The following ARMC9 variants were observed in gnomAD, a reference collection of about 807,000 sequenced individuals.
ARMC9 encodes the protein lisH domain-containing protein ARMC9.
ARMC9 carries 94 observed loss-of-function variants against 107.0 expected under a neutral mutation model. The ratio of observed to expected loss-of-function variants is 0.88; its 90% CI spans 0.74 to 1.04. The LOEUF is 1.04. ARMC9 is among the 50% of genes least tolerant of loss of function. The pLI is 0.00. For synonymous variants in ARMC9, 380 were observed against 396.9 expected (o/e 0.96, Z 0.51); for missense variants, 942 against 1,030.1 (o/e 0.91, Z 1.17).
rs554791158 is a variant in ARMC9 at position 231,301,984 on chromosome 2, A to G, written c.1773+5731A>G. 3.3e-5 allele frequency among the ~76,000 whole-genome samples: 5 copies of G among 152,286 alleles called. No homozygotes were observed. In the South Asian group the frequency reaches 1.0e-3, roughly 32 times the overall value. On this transcript the variant is annotated intron_variant, in intron 19 of 24. Coordinates refer to ENST00000611582, the MANE Select transcript of ARMC9 (RefSeq NM_001352754.2). ...GAGCAAGACTCCATCTCAAAAAAAAAAAGTTAAATATATTCGCTTTTATTT... is the reference window on the plus strand; with the variant it reads ...GAGCAAGACTCCATCTCAAAAAAAAGAAGTTAAATATATTCGCTTTTATTT...
At chr2:231,370,759 A>T (rs1052319836) in intron 24 of ARMC9, 2 of 218,206 alleles carry the variant, frequency 9.2e-6, no homozygotes, top group African/African-American at 4.7e-5. Context: ...GCCTCTGCCA[A>T]TTGATAGCCC....
At chr2:231,364,864 C>T (rs749424620) in intron 23 of ARMC9, among the ~76,000 whole-genome samples, 25 of 152,094 alleles carry the variant, frequency 1.6e-4, no homozygotes, top group Non-Finnish European at 1.9e-4. Context: ...CTTGGCCTGG[C>T]AGAGCCCACC....
intron 19 of ARMC9, among the ~76,000 whole-genome samples, chr2:231,311,092 C>T (rs1231468564): frequency 1.3e-5 from 2 of 152,150 alleles, no homozygotes; most frequent in Non-Finnish European, 1.5e-5. Flanking sequence ...TGTGCCATTG[C>T]ACCCCAGCCT....
At chr2:231,345,947 T>C (rs1159808398) in intron 21 of ARMC9, among the ~76,000 whole-genome samples, 1 of 152,206 alleles carries the variant, frequency 6.6e-6, no homozygotes, top group African/African-American at 2.4e-5. Context: ...CCTGCCCTCA[T>C]GGAGCTCTGT....
At chr2:231,322,271 A>C (rs2043040972) in intron 19 of ARMC9, among the ~76,000 whole-genome samples, 1 of 152,252 alleles carries the variant, frequency 6.6e-6, no homozygotes, top group South Asian at 2.1e-4. Context: ...TGGGGAAGTC[A>C]GCGCCTCACG....
At chr2:231,284,002 A>G (rs2040407120) in intron 17 of ARMC9, among the ~76,000 whole-genome samples, 1 of 152,206 alleles carries the variant, frequency 6.6e-6, no homozygotes, top group Admixed American at 6.5e-5. Context: ...GATTACATGC[A>G]TGAGCCGCTG....
At chr2:231,309,251 G>A (rs1317376736) in intron 19 of ARMC9, among the ~76,000 whole-genome samples, 2 of 152,142 alleles carry the variant, frequency 1.3e-5, no homozygotes, top group African/African-American at 4.8e-5. Flanking sequence ...CAAGGTGAGG[G>A]CTTGTAGACA....
chr2:231,221,921 G>A (rs1019103617), intron 5 of ARMC9, among the ~76,000 whole-genome samples: 2 of 151,498 alleles, frequency 1.3e-5, no homozygotes, highest in African/African-American at 2.4e-5. Flanking sequence ...TTGGGTGGGG[G>A]TGGGAGGCAT....
chr2:231,267,417 G>T (rs2125424175), intron 12 of ARMC9, among the ~76,000 whole-genome samples: 1 of 152,210 alleles, frequency 6.6e-6, no homozygotes, highest in South Asian at 2.1e-4. Context: ...TTTTATTGGA[G>T]ATGGGGTTTC....
chr2:231,268,235 G>T (rs899801044), intron 12 of ARMC9, among the ~76,000 whole-genome samples: 4 of 152,136 alleles, frequency 2.6e-5, no homozygotes, highest in African/African-American at 9.7e-5. Flanking sequence ...CTGGGACTAT[G>T]GTCATGTTCT....
intron 20 of ARMC9, among the ~76,000 whole-genome samples, chr2:231,340,056 A>AT (rs144237711): frequency 0.099 from 15,025 of 152,218 alleles, 2,451 homozygotes; most frequent in African/African-American, 0.34. Flanking sequence ...AAGCATATAC[A>AT]TTCTATAAGT....
chr2:231,264,072 G>A (rs1041754438), intron 12 of ARMC9, among the ~76,000 whole-genome samples: 4 of 152,284 alleles, frequency 2.6e-5, no homozygotes, highest in South Asian at 4.1e-4. Context: ...CTGATGAAAG[G>A]TGTGTTGGGT....
At chr2:231,365,659 A>G (rs2045784373) in intron 23 of ARMC9, among the ~76,000 whole-genome samples, 1 of 139,706 alleles carries the variant, frequency 7.2e-6, no homozygotes, top group Non-Finnish European at 1.6e-5. Flanking sequence ...GCAGATAGGA[A>G]CCAGCCGCAC....
intron 21 of ARMC9, among the ~76,000 whole-genome samples, chr2:231,354,895 G>A (rs1441631578): frequency 6.6e-6 from 1 of 152,238 alleles, no homozygotes; most frequent in Non-Finnish European, 1.5e-5. Flanking sequence ...GGCTGTCCCA[G>A]CCAGCTGGCC....
At chr2:231,288,746 A>G (rs912309981) in intron 17 of ARMC9, 13 of 470,938 alleles carry the variant, frequency 2.8e-5, no homozygotes, top group Non-Finnish European at 5.7e-5. Flanking sequence ...CCAGGGCCAC[A>G]CGGCCGGCGA....
intron 19 of ARMC9, among the ~76,000 whole-genome samples, chr2:231,316,843 A>C (rs1286698525): frequency 6.6e-6 from 1 of 151,292 alleles, no homozygotes. Context: ...GCTCACTGCA[A>C]CCTCTACCTC....
At chr2:231,342,148 G>C (rs1332546691) in intron 20 of ARMC9, among the ~76,000 whole-genome samples, 4 of 152,202 alleles carry the variant, frequency 2.6e-5, no homozygotes, top group African/African-American at 4.8e-5. Flanking sequence ...GGGAGGGGAA[G>C]CCCAGGCCAG....
At chr2:231,344,235 T>G (rs1434919032) in intron 20 of ARMC9, among the ~76,000 whole-genome samples, 1 of 152,276 alleles carries the variant, frequency 6.6e-6, no homozygotes, top group South Asian at 2.1e-4. Flanking sequence ...AAGACTTGTC[T>G]CAAATTTCAA....
intron 11 of ARMC9, among the ~76,000 whole-genome samples, chr2:231,260,512 A>G (rs1559365817): frequency 6.6e-6 from 1 of 152,178 alleles, no homozygotes; most frequent in Non-Finnish European, 1.5e-5. Flanking sequence ...TGTGGATAGA[A>G]ACAGTTCTCA....
Sources: gnomAD v4.1 joint callset for allele counts (sites outside exome capture counted in the v4.1 genomes callset) on GRCh38, gnomAD v4.1.1 for gene constraint, MANE v1.5 for transcripts, NCBI Gene and HGNC (gene_info 2026-07-23, HGNC 2026-07-21) for gene names.